Variants in LARP1 observed in about 807,000 individuals in gnomAD.
LARP1 encodes La ribonucleoprotein 1, translational regulator.
Under a neutral mutation model 122.7 loss-of-function variants are expected in LARP1, and 36 were observed. The ratio of observed to expected loss-of-function variants is 0.29; its 90% CI spans 0.22 to 0.39. The LOEUF is 0.39. LARP1 is among the 10% of genes least tolerant of loss of function. The pLI is 1.00. For missense variants in LARP1, 1,040 were observed against 1,403.6 expected, an observed-to-expected ratio of 0.74 and a Z score of 4.14; for synonymous variants, 539 against 528.7, an observed-to-expected ratio of 1.02 and a Z score of -0.27.
intron 1 of LARP1, among the ~76,000 whole-genome samples, chr5:154,728,505 C>T (rs1441128095): frequency 6.6e-6 from 1 of 152,132 alleles, no homozygotes; most frequent in African/African-American, 2.4e-5. Context: ...CCTTTTGGAA[C>T]TCAGCTGCCA....
chr5:154,785,729 G>T (rs1417623225), intron 1 of LARP1, among the ~76,000 whole-genome samples: 2 of 152,062 alleles, frequency 1.3e-5, no homozygotes, highest in African/African-American at 4.8e-5. Context: ...AGAATCTCGG[G>T]GTTAGACATT....
rs186054309 is a variant in LARP1, at chr5:154,738,200, A to G, written c.205+25070A>G. On this transcript the variant is annotated intron_variant, in intron 1 of 18. Transcript: ENST00000336314. The stretch of plus-strand genomic sequence containing the variant: ...AAGCAGTCTTGGATCCCAGAGGTGC[A>G]TCTCACCACACTGAATATCACCTTA... Among the ~76,000 whole-genome samples the G allele has an allele frequency of 5.9e-5, 9 of 152,344 alleles. No homozygotes were observed. In the East Asian group the frequency reaches 1.3e-3, roughly 23 times the overall value.
At chr5:154,720,571 G>T (rs549397698) in intron 1 of LARP1, among the ~76,000 whole-genome samples, 3 of 152,122 alleles carry the variant, frequency 2.0e-5, no homozygotes, top group Non-Finnish European at 4.4e-5. Flanking sequence ...AATTAGCCAG[G>T]TGTGGTGGCA....
chr5:154,695,290 G>A (rs1343200768), intron 1 of LARP1, among the ~76,000 whole-genome samples: 2 of 151,466 alleles, frequency 1.3e-5, no homozygotes, highest in Non-Finnish European at 2.9e-5. Context: ...CCAGCCTGGG[G>A]GACAGAGTGA....
intron 8 of LARP1, among the ~76,000 whole-genome samples, chr5:154,796,547 C>T (rs1330800893): frequency 1.3e-5 from 2 of 152,052 alleles, no homozygotes; most frequent in Non-Finnish European, 2.9e-5. Flanking sequence ...GAGGCCTGAT[C>T]AGATTCAGGT....
chr5:154,803,369 A>T lies in LARP1; in HGVS notation c.2189A>T (p.Asp730Val). ...FDTLTPEPPV[D>V]PNQEVPPGPP... is the part of the protein sequence containing the mutation. ...ACACTGACCCCTGAGCCCCCTGTGG[A>T]TCCCAACCAGGAAGTTCCTCCTGGG... is the stretch of plus-strand genomic sequence containing the variant. Residue 730 changes from aspartate to valine, a missense_variant, in exon 12 of 19, where the codon GAT (aspartate) becomes GTT (valine). Physicochemically the swap from Asp to Val is radical, Grantham distance 152 (BLOSUM62 -3). This residue lies in a region of LARP1 where 362 missense variants were observed against 533.1 expected (regional missense o/e 0.68). Coordinates refer to ENST00000518297, the MANE Select transcript of LARP1 (RefSeq NM_033551.3). The surrounding 1 kb of genome is among the most constrained non-coding windows in gnomAD (Gnocchi z 4.4). 1 of 1,614,122 alleles carries T rather than the reference A, an allele frequency of 6.2e-7. No individual in the cohort carries two copies. Among genetic ancestry groups the T allele is most frequent in the Non-Finnish European group, 8.5e-7 (1 of 1,180,014 alleles).
At chr5:154,790,734 C>G in intron 3 of LARP1, 24 bp downstream of exon 3, 1 of 1,609,850 alleles carries the variant, frequency 6.2e-7, no homozygotes, top group South Asian at 1.1e-5. Context: ...GAAGAATAGG[C>G]AGGTTTGAAG....
At chr5:154,790,274 G>A (rs375830898) in intron 1 of LARP1, 51 bp from the exon 2 acceptor site, 69 of 1,494,954 alleles carry the variant, frequency 4.6e-5, no homozygotes, top group Non-Finnish European at 5.2e-5. Flanking sequence ...GCTGGCAGTA[G>A]CCCCCTCACA....
intron 1 of LARP1, among the ~76,000 whole-genome samples, chr5:154,694,065 T>A (rs191953590): frequency 3.9e-5 from 6 of 152,028 alleles, no homozygotes; most frequent in Admixed American, 1.3e-4. Flanking sequence ...AGCCAGAATG[T>A]GAAACAGTTT....
chr5:154,704,539 T>TGGG (rs1326399883), intron 1 of LARP1, among the ~76,000 whole-genome samples: 4 of 148,586 alleles, frequency 2.7e-5, no homozygotes, highest in African/African-American at 1.0e-4. Context: ...CCCAGCTACT[T>TGGG]GGGAGGCTGA....
chr5:154,741,322 G>A (rs1424596237), intron 1 of LARP1, among the ~76,000 whole-genome samples: 3 of 152,288 alleles, frequency 2.0e-5, no homozygotes, highest in South Asian at 2.1e-4. Flanking sequence ...CAGAGGCCAC[G>A]CAGCATTCTT....
At chr5:154,801,000 AG>A (rs1491468202) in intron 10 of LARP1, among the ~76,000 whole-genome samples, 1 of 152,326 alleles carries the variant, frequency 6.6e-6, no homozygotes, top group African/African-American at 2.4e-5. Flanking sequence ...TGTTTGAAAC[AG>A]GGGTCAGACT....
In LARP1 at chr5:154,779,728, G is replaced by A. The variant is rs927977820; in HGVS notation, c.437-10597G>A. The stretch of plus-strand genomic sequence containing the variant: ...TCTCCATGTTGGTCAGTCTGGTCTC[G>A]GACTCCTGACCTCAGGTGATCCGCC... On this transcript the variant is annotated intron_variant, in intron 1 of 18. Transcript: ENST00000518297. 3.3e-5 allele frequency among the ~76,000 whole-genome samples: 5 copies of A among 151,992 alleles called. No individual in the cohort carries two copies. The East Asian group carries it at 5.8e-4, about 18-fold the overall frequency.
chr5:154,715,718 G>A (rs184039987), intron 1 of LARP1, among the ~76,000 whole-genome samples: 11 of 152,238 alleles, frequency 7.2e-5, no homozygotes, highest in East Asian at 3.9e-4. Flanking sequence ...CAGGGACACC[G>A]AATGACCAAA....
chr5:154,747,397 G>A (rs774576499), intron 1 of LARP1, among the ~76,000 whole-genome samples: 3 of 151,200 alleles, frequency 2.0e-5, no homozygotes, highest in Admixed American at 1.3e-4. Flanking sequence ...GCGAAACCTC[G>A]TCTCTACTAA....
In LARP1 at chr5:154,758,022, A is replaced by G. The variant is rs953592605; in HGVS notation, c.436+1829A>G. ...GAGTGAAGGAAAACAACTTTAAAAC[A>G]CTCTTTGGTCCTTCTCCCCTCTTTA... On this transcript the variant is annotated intron_variant, in intron 1 of 18. Transcript: ENST00000518297. Among the ~76,000 whole-genome samples, 23 of 149,416 alleles carry G rather than the reference A, an allele frequency of 1.5e-4. 1 individual carries two copies. Among genetic ancestry groups the G allele is most frequent in the Admixed American group, 6.0e-4 (9 of 14,956 alleles).
intron 1 of LARP1, among the ~76,000 whole-genome samples, chr5:154,737,791 C>G (rs765168509): frequency 4.6e-5 from 7 of 152,142 alleles, no homozygotes; most frequent in African/African-American, 7.2e-5. Flanking sequence ...TTGATCTCCT[C>G]TGATATTCCC....
intron 1 of LARP1, among the ~76,000 whole-genome samples, chr5:154,716,726 G>A (rs1207524944): frequency 1.3e-5 from 2 of 152,026 alleles, no homozygotes; most frequent in African/African-American, 4.8e-5. Flanking sequence ...TGGGATTACA[G>A]GTGTGAGCCA....
intron 1 of LARP1, among the ~76,000 whole-genome samples, chr5:154,775,524 G>A (rs1279457900): frequency 7.3e-5 from 11 of 151,038 alleles, no homozygotes; most frequent in Admixed American, 5.9e-4. Context: ...ACTCCCCTGC[G>A]GCTTTGGTGC....
Sources: gnomAD v4.1 joint callset for allele counts (sites outside exome capture counted in the v4.1 genomes callset) on GRCh38, gnomAD v4.1.1 for gene constraint, gnomAD v4.1.1 regional missense constraint, Gnocchi (gnomAD v3.1) non-coding constraint, MANE v1.5 for transcripts, NCBI Gene and HGNC (gene_info 2026-07-23, HGNC 2026-07-21) for gene names.